Variants in POLR2B observed in about 807,000 individuals in gnomAD.
POLR2B encodes DNA-directed RNA polymerase II subunit RPB2.
In POLR2B, 57 loss-of-function variants were observed where a neutral mutation model predicts 144.6. The ratio of observed to expected loss-of-function variants is 0.39; its 90% CI spans 0.32 to 0.49. The LOEUF (loss-of-function observed/expected upper bound fraction) is 0.49, where lower values mean the gene tolerates loss of function less well. POLR2B is among the 20% of genes least tolerant of loss of function. The probability of loss-of-function intolerance (pLI) is 0.83; values close to 1 mark genes in which losing one functional copy is unlikely to be tolerated. For missense variants in POLR2B, 595 were observed against 1,467.4 expected (o/e 0.41, Z 9.71); for synonymous variants, 442 against 469.8 (o/e 0.94, Z 0.77).
rs1239800778 is a variant in POLR2B, at chr4:57,005,395, T to C, written c.1050T>C (p.His350=). 2 of 1,602,592 alleles carry C rather than the reference T, an allele frequency of 1.2e-6. No individual in the cohort carries two copies. The highest frequency in any genetic ancestry group is 1.3e-5 in the African/African-American group (1 of 74,258). Residue 350 remains histidine, a synonymous_variant, in exon 8 of 25, where the codon CAT becomes CAC. Coordinates refer to ENST00000314595, the MANE Select transcript of POLR2B (RefSeq NM_000938.3). ...TTTTACAAAAAGAAATGCTCCCTCA[T>C]GTTGGTGTCAGTGATTTTTGTGAGA... ...KEVLQKEMLP[H]VGVSDFCETK... is the part of the protein sequence containing the mutation.
chr4:57,004,020 C>CTTTTTT (rs138828073), intron 7 of POLR2B, among the ~76,000 whole-genome samples: 4 of 72,334 alleles, frequency 5.5e-5, no homozygotes, highest in Non-Finnish European at 9.6e-5. Flanking sequence ...TAAATTAAAT[C>CTTTTTT]TTTTTTTTTT....
chr4:57,005,139 A>G (rs982079871), intron 7 of POLR2B, 107 bp from the exon 8 acceptor site: 8 of 541,020 alleles, frequency 1.5e-5, no homozygotes, highest in Admixed American at 3.9e-5. Context: ...CACATATTTT[A>G]TTATGTTCAT....
At position 57,023,142 on chromosome 4, in the gene POLR2B, C is replaced by CTTTTTTTTTTT; in HGVS notation, c.2516-178_2516-177insTTTTTTTTTTT. The CTTTTTTTTTTT allele has an allele frequency of 8.8e-6, 4 of 452,694 alleles. No individual in the cohort carries two copies. The highest frequency in any genetic ancestry group is 5.2e-4 in the Middle Eastern group (1 of 1,912). 28.0% of individuals were successfully genotyped at this position (452,694 alleles called of 1,614,324 possible). On this transcript the variant is annotated intron_variant, in intron 18 of 24. Coordinates refer to ENST00000314595, the MANE Select transcript of POLR2B (RefSeq NM_000938.3). This position sits in a 1 kb window ranked among gnomAD's most constrained non-coding sequence, Gnocchi z 4.3. ...TTCCAATGTTCTTTTCCTTCATAGA[C>CTTTTTTTTTTT]TTTTTTTTTTGTTTTCTGTGTGGGC...
chr4:56,994,707 A>G lies in POLR2B; in HGVS notation c.417A>G (p.Gln139=), dbSNP rs766824339. The change falls in exon 5 of 25, where the codon CAA becomes CAG. Residue 139 remains glutamine, a synonymous_variant. Coordinates refer to ENST00000314595, the MANE Select transcript of POLR2B (RefSeq NM_000938.3). ...CAGTCATTAAAGAAGGTGAAGAACA[A>G]CTTCAGACTCAGCATCAGAAAACTT... ...TKTVIKEGEE[Q]LQTQHQKTFI... is the part of the protein sequence containing the mutation. 3.1e-6 allele frequency: 5 copies of G among 1,613,634 alleles called. No homozygotes were observed. The highest frequency in any genetic ancestry group is 4.2e-6 in the Non-Finnish European group (5 of 1,179,536).
intron 18 of POLR2B, 29 bp downstream of exon 18, chr4:57,022,275 A>T (rs1166430258): frequency 7.1e-7 from 1 of 1,400,686 alleles, no homozygotes; most frequent in Non-Finnish European, 1.0e-6. Context: ...TAAATGATGG[A>T]ATCCAAAGTT....
At chr4:56,992,784 G>A (rs879113444) in intron 3 of POLR2B, among the ~76,000 whole-genome samples, 4 of 151,250 alleles carry the variant, frequency 2.6e-5, no homozygotes, top group East Asian at 2.0e-4. Flanking sequence ...GGATGGTCTC[G>A]ATCTCCTGAC....
In POLR2B at chr4:57,017,034, C is replaced by CT; in HGVS notation, c.1956-3dup. 6.5e-7 allele frequency: 1 copy of CT among 1,543,400 alleles called. No individual in the cohort carries two copies. Among genetic ancestry groups the CT allele is most frequent in the Non-Finnish European group, 8.8e-7 (1 of 1,139,664 alleles). On this transcript the variant is annotated splice_polypyrimidine_tract_variant and intron_variant, in intron 14 of 24. Coordinates refer to ENST00000314595, the MANE Select transcript of POLR2B (RefSeq NM_000938.3). This position sits in a 1 kb window ranked among gnomAD's most constrained non-coding sequence, Gnocchi z 4.8. ...GAGGAAGTAGAAAATTGAGTGAATT[C>CT]TTTTTTAGTTGGCAGGATCTTGTGG...
chr4:57,005,556 TA>T, intron 8 of POLR2B, 43 bp from the exon 9 acceptor site: 2 of 1,545,374 alleles, frequency 1.3e-6, no homozygotes, highest in Non-Finnish European at 1.7e-6. Flanking sequence ...AGTCCAAAAC[TA>T]AGTGTTTTCC....
intron 10 of POLR2B, among the ~76,000 whole-genome samples, chr4:57,008,595 CTA>C (rs1723097877): frequency 6.6e-6 from 1 of 152,090 alleles, no homozygotes; most frequent in Admixed American, 6.5e-5. Flanking sequence ...AGTTGACAGT[CTA>C]TGCTTGTAGA....
Position 57,005,226 on chromosome 4 carries a change from T to C in POLR2B, c.901-20T>C. On this transcript the variant is annotated intron_variant, in intron 7 of 24. Transcript: ENST00000314595. ...AGCAACATGAATTTGAAAATAACTT[T>C]TATTTAAATTGTCTGATAGGTTAAA... 1 of 1,425,756 alleles carries C rather than the reference T, an allele frequency of 7.0e-7. No individual in the cohort carries two copies. Among genetic ancestry groups the C allele is most frequent in the Non-Finnish European group, 9.3e-7 (1 of 1,073,924 alleles). 88.3% of individuals were successfully genotyped at this position (1,425,756 alleles called of 1,614,324 possible).
intron 23 of POLR2B, among the ~76,000 whole-genome samples, chr4:57,026,679 T>C (rs1215214202): frequency 6.6e-6 from 1 of 151,968 alleles, no homozygotes; most frequent in East Asian, 2.0e-4. Flanking sequence ...AAGAATTGCT[T>C]GAACCCAGGA....
intron 13 of POLR2B, 77 bp from the exon 14 acceptor site, chr4:57,015,425 G>T (rs1723333428): frequency 2.8e-6 from 2 of 719,310 alleles, no homozygotes; most frequent in Non-Finnish European, 2.1e-6. Context: ...AGTAGGATTT[G>T]TATTGTATTT....
intron 13 of POLR2B, among the ~76,000 whole-genome samples, chr4:57,011,502 T>C (rs932507114): frequency 6.6e-6 from 1 of 151,506 alleles, no homozygotes; most frequent in Non-Finnish European, 1.5e-5. Context: ...CACTCCAGCC[T>C]GGGTGACAGA....
intron 10 of POLR2B, among the ~76,000 whole-genome samples, chr4:57,008,404 G>A (rs534315022): frequency 6.6e-5 from 10 of 152,162 alleles, no homozygotes; most frequent in East Asian, 3.9e-4. Flanking sequence ...GGGTTTTGCC[G>A]TGTTAGCCAG....
intron 23 of POLR2B, among the ~76,000 whole-genome samples, chr4:57,026,809 T>A (rs1463928096): frequency 6.6e-6 from 1 of 152,146 alleles, no homozygotes; most frequent in Non-Finnish European, 1.5e-5. Context: ...GAAAAATATA[T>A]CTATTTTCCA....
rs575996195 is a variant in POLR2B, at chr4:57,026,142, G to A, written c.3239+605G>A. 3.3e-5 allele frequency among the ~76,000 whole-genome samples: 5 copies of A among 152,186 alleles called. No homozygotes were observed. In the East Asian group the frequency reaches 7.7e-4, roughly 24 times the overall value. On this transcript the variant is annotated intron_variant, in intron 23 of 24. Transcript: ENST00000314595. ...AATCCCAGCTACTCGGGAGGCTGAG[G>A]CATGAGAATCACTTGAACCTGGGAG...
At position 56,999,683 on chromosome 4, in the gene POLR2B, C is replaced by T; in HGVS notation, c.802C>T (p.Pro268Ser). The part of the protein sequence containing the change: ...ATLPYIKQEV[P>S]IIIVFRALGF... ...TCTACCATATATCAAGCAAGAAGTT[C>T]CCATCATTATTGTGTTCAGAGCATT... The change falls in exon 7 of 25, where the codon CCC becomes TCC. Residue 268 changes from proline to serine, a missense_variant. Around this residue, in one of 9 missense-constraint regions of POLR2B, gnomAD observed 251 missense variants for 567.3 expected, o/e 0.44. Coordinates refer to ENST00000314595, the MANE Select transcript of POLR2B (RefSeq NM_000938.3). 2 of 1,610,402 alleles carry T rather than the reference C, an allele frequency of 1.2e-6. No homozygotes were observed. The highest frequency in any genetic ancestry group is 1.7e-6 in the Non-Finnish European group (2 of 1,176,768).
intron 7 of POLR2B, among the ~76,000 whole-genome samples, chr4:57,003,174 GT>G (rs1722906430): frequency 3.3e-5 from 5 of 152,330 alleles, no homozygotes; most frequent in Admixed American, 3.3e-4. Context: ...GCTCACGCCT[GT>G]AATCCCAGCA....
At chr4:56,999,442 T>C (rs1722789977) in intron 6 of POLR2B, among the ~76,000 whole-genome samples, 175 bp from the exon 7 acceptor site, 1 of 152,140 alleles carries the variant, frequency 6.6e-6, no homozygotes, top group Admixed American at 6.5e-5. Context: ...AAAATTAGTA[T>C]ACTTGTTTCG....
Sources: gnomAD v4.1 joint callset for allele counts (sites outside exome capture counted in the v4.1 genomes callset) on GRCh38, gnomAD v4.1.1 for gene constraint, gnomAD v4.1.1 regional missense constraint, Gnocchi (gnomAD v3.1) non-coding constraint, MANE v1.5 for transcripts, NCBI Gene and HGNC (gene_info 2026-07-23, HGNC 2026-07-21) for gene names.